EZR: variants seen among roughly 807,000 people sequenced by gnomAD.
The protein encoded by EZR is ezrin.
Under a neutral mutation model 74.8 loss-of-function variants are expected in EZR, and 40 were observed. The observed-to-expected ratio is 0.53, with a 90% CI of 0.42 to 0.70. EZR has a LOEUF of 0.70. EZR is among the 30% of genes least tolerant of loss of function. The pLI is 0.00. For synonymous variants in EZR, 341 were observed against 283.3 expected (o/e 1.20, Z -2.05); for missense variants, 678 against 755.8 (o/e 0.90, Z 1.21).
chr6:158,801,218 G>A (rs1052734105), intron 2 of EZR, among the ~76,000 whole-genome samples: 20 of 152,300 alleles, frequency 1.3e-4, no homozygotes, highest in African/African-American at 4.6e-4. Flanking sequence ...GGGTTCAAGC[G>A]ATTCTCCTGC....
Position 158,769,434 on chromosome 6 carries a change from CA to C in EZR, c.1252-17del. ...GCTCCGCAGCCTGGGAAGGGAATGC[CA>C]AGCTCACGTCAGTTCTGATATCCTT... is the stretch of plus-strand genomic sequence containing the variant. On this transcript the variant is annotated splice_polypyrimidine_tract_variant and intron_variant, in intron 11 of 13. Coordinates refer to ENST00000367075, the MANE Select transcript of EZR (RefSeq NM_001111077.2). 6.2e-7 allele frequency: 1 copy of C among 1,601,572 alleles called. No homozygotes were observed. Among genetic ancestry groups the C allele is most frequent in the South Asian group, 1.1e-5 (1 of 91,014 alleles).
rs760307938 is a variant in EZR, at chr6:158,769,857, C to T, written c.1178G>A (p.Arg393His). The T allele has an allele frequency of 4.0e-5, 65 of 1,613,812 alleles. No homozygotes were observed. Among genetic ancestry groups the T allele is most frequent in the East Asian group, 2.9e-4 (13 of 44,898 alleles). ...QEEAERLEAD[R>H]MAALRAKEEL... ...CTCCTTAGCCCGCAGTGCAGCCATACGGTCAGCCTCTAGGCGCTCGGCCTC... is the reference window on the plus strand; with the variant it reads ...CTCCTTAGCCCGCAGTGCAGCCATATGGTCAGCCTCTAGGCGCTCGGCCTC... Residue 393 changes from arginine (R) to histidine (H), a missense_variant, in exon 11 of 14, where the codon CGT becomes CAT. Physicochemically the swap from Arg to His is conservative, Grantham distance 29. Coordinates refer to ENST00000367075, the MANE Select transcript of EZR (RefSeq NM_001111077.2).
chr6:158,780,636 T>C (rs1010646583), intron 7 of EZR, among the ~76,000 whole-genome samples: 8 of 152,204 alleles, frequency 5.3e-5, no homozygotes, highest in Non-Finnish European at 8.8e-5. Flanking sequence ...CAGAAACTCC[T>C]ACCTACAGAA....
At chr6:158,773,710 G>A (rs1791187191) in intron 8 of EZR, among the ~76,000 whole-genome samples, 2 of 152,264 alleles carry the variant, frequency 1.3e-5, no homozygotes, top group African/African-American at 4.8e-5. Context: ...AGCCGCGGGA[G>A]GCAAAAAGGC....
intron 4 of EZR, among the ~76,000 whole-genome samples, chr6:158,785,950 G>A (rs1440172715): frequency 6.6e-6 from 1 of 152,186 alleles, no homozygotes; most frequent in African/African-American, 2.4e-5. Flanking sequence ...TACTCAAGAA[G>A]CTGAGCAGGA....
intron 2 of EZR, among the ~76,000 whole-genome samples, chr6:158,802,643 T>C (rs1016445976): frequency 2.0e-5 from 3 of 152,202 alleles, no homozygotes; most frequent in Admixed American, 6.5e-5. Flanking sequence ...GCGATTCTCC[T>C]GCCTCAGCCT....
chr6:158,814,349 TCAG>T (rs1200170125), intron 2 of EZR, among the ~76,000 whole-genome samples: 1 of 151,566 alleles, frequency 6.6e-6, no homozygotes, highest in Admixed American at 6.6e-5. Flanking sequence ...AATTTCCCCA[TCAG>T]ATGATTTTCC....
At chr6:158,792,441 ACTGTGC>A (rs1010819483) in intron 2 of EZR, among the ~76,000 whole-genome samples, 17 of 152,182 alleles carry the variant, frequency 1.1e-4, no homozygotes, top group Non-Finnish European at 2.2e-4. Context: ...CAAACTCCTG[ACTGTGC>A]CTGGCCTGAA....
At position 158,776,325 on chromosome 6, in the gene EZR, C is replaced by T. The variant is rs546510058; in HGVS notation, c.795+83G>A. On this transcript the variant is annotated intron_variant, in intron 8 of 13. Coordinates refer to ENST00000367075, the MANE Select transcript of EZR (RefSeq NM_001111077.2). The stretch of plus-strand genomic sequence containing the variant: ...GGAGTTTGGACTATCACTGGCTACT[C>T]GTCACAGTATAACTTGTCCGTTACC... 490 of 1,138,376 alleles carry T rather than the reference C, an allele frequency of 4.3e-4. 8 individuals carry two copies. Among genetic ancestry groups the T allele is most frequent in the South Asian group, 3.4e-3 (270 of 79,328 alleles). The allele number at this position is 1,138,376 out of a possible 1,614,324, so 70.5% of individuals were successfully genotyped here.
At chr6:158,794,624 TTTA>T (rs1371755399) in intron 2 of EZR, among the ~76,000 whole-genome samples, 1 of 152,134 alleles carries the variant, frequency 6.6e-6, no homozygotes, top group East Asian at 1.9e-4. Context: ...GTCTGCAGTT[TTTA>T]TTGTCTTAGT....
intron 8 of EZR, among the ~76,000 whole-genome samples, chr6:158,776,159 G>C (rs532874779): frequency 4.3e-4 from 65 of 152,310 alleles, no homozygotes; most frequent in African/African-American, 1.5e-3. Context: ...ACAGCATTTT[G>C]GGAAATGCTT....
At chr6:158,767,869 G>A (rs1790953283) in intron 12 of EZR, among the ~76,000 whole-genome samples, 1 of 152,020 alleles carries the variant, frequency 6.6e-6, no homozygotes, top group Non-Finnish European at 1.5e-5. Context: ...GTGCTCTCCT[G>A]CTCGCCACTT....
intron 9 of EZR, 138 bp from the exon 10 acceptor site, chr6:158,771,032 C>G: frequency 7.1e-7 from 1 of 1,414,804 alleles, no homozygotes; most frequent in Non-Finnish European, 9.6e-7. Context: ...CCAGCCTGAG[C>G]TGCCTGACGG....
intron 8 of EZR, among the ~76,000 whole-genome samples, chr6:158,771,730 G>A (rs973638841): frequency 1.7e-4 from 26 of 152,304 alleles, no homozygotes; most frequent in African/African-American, 3.1e-4. Flanking sequence ...GCCACTGCAC[G>A]TTAACTGCAA....
At chr6:158,773,021 T>TC (rs1562491306) in intron 8 of EZR, among the ~76,000 whole-genome samples, 1 of 152,138 alleles carries the variant, frequency 6.6e-6, no homozygotes, top group Non-Finnish European at 1.5e-5. Context: ...TCATTGGGTT[T>TC]CCCAGGGAGG....
chr6:158,789,339 C>T lies in EZR; in HGVS notation c.45G>A (p.Glu15=). ...TATTTGGCTGGATTGCAAACTCCAGCTCTGCATCCATGGTGGTAACTCGGA... is the reference window on the plus strand; with the variant it reads ...TATTTGGCTGGATTGCAAACTCCAGTTCTGCATCCATGGTGGTAACTCGGA... ...INVRVTTMDA[E]LEFAIQPNTT... The change falls in exon 3 of 14, where the codon GAG becomes GAA. Residue 15 remains glutamate (E), a synonymous_variant. Transcript: ENST00000367075. The T allele has an allele frequency of 6.2e-7, 1 of 1,614,194 alleles. No homozygotes were observed. The highest frequency in any genetic ancestry group is 8.5e-7 in the Non-Finnish European group (1 of 1,180,018).
intron 2 of EZR, among the ~76,000 whole-genome samples, chr6:158,814,499 T>G (rs1010192602): frequency 6.6e-6 from 1 of 151,900 alleles, no homozygotes; most frequent in Non-Finnish European, 1.5e-5. Context: ...GAACAAGGTC[T>G]GCCTCGCCCT....
chr6:158,799,180 T>C (rs1777139025), intron 2 of EZR, among the ~76,000 whole-genome samples: 1 of 152,114 alleles, frequency 6.6e-6, no homozygotes, highest in Non-Finnish European at 1.5e-5. Flanking sequence ...ATGCAGCCAT[T>C]CACAGGCCCT....
chr6:158,787,160 A>T lies in EZR; in HGVS notation c.140T>A (p.Leu47His). Residue 47 changes from leucine (L) to histidine (H), a missense_variant, in exon 4 of 14, where the codon CTC becomes CAC. Physicochemically the swap from Leu to His is moderately conservative, Grantham distance 99. This residue lies in a region of EZR where 217 missense variants were observed against 232.2 expected (regional missense o/e 0.93). Transcript: ENST00000367075. ...AAATCCTTTATTATCCACATAGTGG[A>T]GGCCAAAGTACCACACTTCCCGGAG... Reference protein sequence around the residue: ...IGLREVWYFGLHYVDNKGFPT... With the variant: ...IGLREVWYFGHHYVDNKGFPT... 2 of 1,613,582 alleles carry T rather than the reference A, an allele frequency of 1.2e-6. No individual in the cohort carries two copies. The highest frequency in any genetic ancestry group is 1.7e-6 in the Non-Finnish European group (2 of 1,179,502).
Sources: allele counts gnomAD v4.1 joint callset (sites outside exome capture counted in the v4.1 genomes callset), GRCh38; gene constraint gnomAD v4.1.1; regional missense constraint gnomAD v4.1.1; transcripts MANE v1.5; gene names NCBI Gene and HGNC (gene_info 2026-07-23, HGNC 2026-07-21).